The following CTNNA3 variants were observed in gnomAD, a reference collection of about 807,000 sequenced individuals.
The protein encoded by CTNNA3 is catenin alpha 3.
A neutral mutation model predicts 95.7 loss-of-function variants in CTNNA3; 76 were observed. That is an observed-to-expected ratio of 0.79 (90% CI 0.66 to 0.96). The LOEUF (loss-of-function observed/expected upper bound fraction) is 0.96, where lower values mean the gene tolerates loss of function less well. Among genes scored for constraint, CTNNA3 ranks in the 40% least tolerant of loss-of-function variants. CTNNA3 has a pLI of 0.00. For synonymous variants in CTNNA3, 431 were observed against 374.4 expected (o/e 1.15, Z -1.74); for missense variants, 1,191 against 1,089.8 (o/e 1.09, Z -1.31).
At chr10:66,455,713 T>C (rs1427001192) in intron 11 of CTNNA3, among the ~76,000 whole-genome samples, 1 of 152,150 alleles carries the variant, frequency 6.6e-6, no homozygotes, top group Non-Finnish European at 1.5e-5. Flanking sequence ...TCTGGGTTAG[T>C]GCTGCTCCAC....
chr10:65,984,393 G>C (rs929854110), intron 16 of CTNNA3, among the ~76,000 whole-genome samples: 3 of 151,232 alleles, frequency 2.0e-5, no homozygotes, highest in African/African-American at 7.3e-5. Flanking sequence ...TTCATTCTCA[G>C]TTTTGATTAC....
intron 14 of CTNNA3, among the ~76,000 whole-genome samples, chr10:66,083,194 A>T (rs1312259526): frequency 1.3e-5 from 2 of 152,204 alleles, no homozygotes; most frequent in African/African-American, 4.8e-5. Context: ...AAACTCACCT[A>T]ATTTTGGATA....
chr10:66,718,892 T>C (rs1295646666), intron 9 of CTNNA3, among the ~76,000 whole-genome samples: 1 of 152,156 alleles, frequency 6.6e-6, no homozygotes, highest in Non-Finnish European at 1.5e-5. Context: ...TTCAAATAAC[T>C]TTATTTTCCC....
chr10:67,377,588 T>C (rs967845687), intron 5 of CTNNA3, among the ~76,000 whole-genome samples: 1 of 151,780 alleles, frequency 6.6e-6, no homozygotes, highest in African/African-American at 2.4e-5. Flanking sequence ...AATTCTGAGA[T>C]GTTTTTGCTC....
At chr10:67,228,974 C>T (rs1274913974) in intron 5 of CTNNA3, among the ~76,000 whole-genome samples, 1 of 152,046 alleles carries the variant, frequency 6.6e-6, no homozygotes, top group Non-Finnish European at 1.5e-5. Context: ...TCTATGAAGC[C>T]AGCATCACCC....
chr10:67,483,804 C>G (rs982288161), intron 5 of CTNNA3, among the ~76,000 whole-genome samples: 42 of 127,376 alleles, frequency 3.3e-4, no homozygotes, highest in African/African-American at 1.2e-3. Context: ...AAAAACAAAA[C>G]ACTGCTCAAA....
chr10:66,291,899 CCAAA>C (rs541585159), intron 12 of CTNNA3, among the ~76,000 whole-genome samples: 125 of 150,294 alleles, frequency 8.3e-4, no homozygotes, highest in African/African-American at 2.9e-3. Context: ...TGTGTGTATA[CCAAA>C]CACTTTTGTG....
At chr10:67,626,784 T>G (rs1838971877) in intron 2 of CTNNA3, among the ~76,000 whole-genome samples, 1 of 146,798 alleles carries the variant, frequency 6.8e-6, no homozygotes, top group Non-Finnish European at 1.5e-5. Flanking sequence ...TGTGTCTACA[T>G]GTATGTGTCT....
intron 5 of CTNNA3, among the ~76,000 whole-genome samples, chr10:67,368,432 C>G (rs528429744): frequency 2.0e-4 from 30 of 152,132 alleles, no homozygotes; most frequent in Non-Finnish European, 3.5e-4. Context: ...TGGCACAACT[C>G]CTTTGGAAAA....
At chr10:66,621,845 T>G (rs1844762768) in intron 9 of CTNNA3, 61 bp from the exon 10 acceptor site, 1 of 987,544 alleles carries the variant, frequency 1.0e-6, no homozygotes, top group South Asian at 1.5e-5. Flanking sequence ...GCAGCAACAC[T>G]TATACTGAAC....
intron 11 of CTNNA3, among the ~76,000 whole-genome samples, chr10:66,406,353 A>G (rs1048669137): frequency 1.3e-5 from 2 of 152,108 alleles, no homozygotes; most frequent in African/African-American, 4.8e-5. Context: ...AATACAAAAT[A>G]CTGTGGGGGT....
Position 67,180,394 on chromosome 10 carries a change from G to C in CTNNA3, c.970C>G (p.His324Asp). 1.2e-6 allele frequency: 2 copies of C among 1,613,828 alleles called. No homozygotes were observed. The highest frequency in any genetic ancestry group is 1.7e-6 in the Non-Finnish European group (2 of 1,179,892). Reference protein sequence around the residue: ...LADSSCTRDLHRERIIAECNA... With the variant: ...LADSSCTRDLDRERIIAECNA... ...CATTCTGCGATAATCCGCTCTCGGT[G>C]TAAGTCCCTCGTACATGAAGAATCC... The change falls in exon 7 of 18, where the codon CAC (histidine) becomes GAC (aspartate). Residue 324 changes from histidine to aspartate, a missense_variant. Transcript: ENST00000433211.
At chr10:66,338,368 T>C (rs922988836) in intron 12 of CTNNA3, among the ~76,000 whole-genome samples, 30 of 152,006 alleles carry the variant, frequency 2.0e-4, no homozygotes, top group African/African-American at 6.8e-4. Flanking sequence ...AACTGACTTA[T>C]GGTGATAGTT....
At chr10:66,239,513 G>T (rs1008896761) in intron 13 of CTNNA3, among the ~76,000 whole-genome samples, 3 of 151,668 alleles carry the variant, frequency 2.0e-5, no homozygotes, top group African/African-American at 7.3e-5. Flanking sequence ...TAATAGATTA[G>T]GCACTCTCAA....
chr10:66,647,320 G>A (rs991835842), intron 9 of CTNNA3, among the ~76,000 whole-genome samples: 17 of 151,990 alleles, frequency 1.1e-4, no homozygotes, highest in Non-Finnish European at 2.1e-4. Flanking sequence ...AAAGTGATAT[G>A]CAAACCAAAA....
chr10:66,701,127 T>G (rs1251602059), intron 9 of CTNNA3, among the ~76,000 whole-genome samples: 1 of 152,174 alleles, frequency 6.6e-6, no homozygotes, highest in Non-Finnish European at 1.5e-5. Flanking sequence ...TGATTATCCT[T>G]TGCCCACTGA....
chr10:66,976,783 T>C (rs942780), intron 7 of CTNNA3, among the ~76,000 whole-genome samples: 30,528 of 152,180 alleles, frequency 0.2, 3,183 homozygotes, highest in East Asian at 0.37. Flanking sequence ...TTAAATTTCA[T>C]GTAAATGATT....
chr10:67,232,342 G>A (rs1169417259), intron 5 of CTNNA3, among the ~76,000 whole-genome samples: 7 of 152,142 alleles, frequency 4.6e-5, no homozygotes, highest in African/African-American at 1.4e-4. Flanking sequence ...CCAGAAGAGA[G>A]TGGGGGCCAA....
intron 7 of CTNNA3, among the ~76,000 whole-genome samples, chr10:66,821,728 GCTT>G (rs1183672754): frequency 1.3e-5 from 2 of 152,130 alleles, no homozygotes; most frequent in Non-Finnish European, 2.9e-5. Context: ...AGGGTTAATT[GCTT>G]CTTCTTTTCT....
Sources: gnomAD v4.1 joint callset for allele counts (sites outside exome capture counted in the v4.1 genomes callset) on GRCh38, gnomAD v4.1.1 for gene constraint, MANE v1.5 for transcripts, NCBI Gene and HGNC (gene_info 2026-07-23, HGNC 2026-07-21) for gene names.